ARHGAP10: variants seen among roughly 807,000 people sequenced by gnomAD.
The protein encoded by ARHGAP10 is rho GTPase-activating protein 10.
A neutral mutation model predicts 108.6 loss-of-function variants in ARHGAP10; 87 were observed. The ratio of observed to expected loss-of-function variants is 0.80; its 90% CI spans 0.67 to 0.96. ARHGAP10 has a LOEUF of 0.96. Among genes scored for constraint, ARHGAP10 ranks in the 40% least tolerant of loss-of-function variants. ARHGAP10 has a pLI of 0.00. For missense variants in ARHGAP10, 939 were observed against 954.5 expected (o/e 0.98, Z 0.21); for synonymous variants, 347 against 341.1 (o/e 1.02, Z -0.19).
chr4:147,896,244 CCTT>C (rs1735988786), intron 10 of ARHGAP10, among the ~76,000 whole-genome samples: 3 of 152,086 alleles, frequency 2.0e-5, no homozygotes, highest in South Asian at 2.1e-4. Context: ...GGAAGTTTTC[CCTT>C]CTTCACTGTT....
At chr4:147,814,949 A>G (rs1166762549) in intron 1 of ARHGAP10, among the ~76,000 whole-genome samples, 2 of 152,148 alleles carry the variant, frequency 1.3e-5, no homozygotes, top group African/African-American at 4.8e-5. Flanking sequence ...CAGAGGAACC[A>G]CCACCCTACT....
rs1029340956 is a variant in ARHGAP10 at position 148,023,012 on chromosome 4, G to A, written c.1717-251G>A. The stretch of plus-strand genomic sequence containing the variant: ...AAGATAGTTTTATTTGTTTAGTTTT[G>A]GAATGAATTATTTGATATATAACAA... On this transcript the variant is annotated intron_variant, in intron 18 of 22. Coordinates refer to ENST00000336498, the MANE Select transcript of ARHGAP10 (RefSeq NM_024605.4). The A allele has an allele frequency of 1.7e-5, 6 of 358,198 alleles. No homozygotes were observed. In the South Asian group the frequency reaches 2.7e-4, roughly 16 times the overall value. The allele number at this position is 358,198 out of a possible 1,614,324, so 22.2% of individuals were successfully genotyped here.
chr4:147,791,667 T>C (rs1263565575), intron 1 of ARHGAP10, among the ~76,000 whole-genome samples: 1 of 151,872 alleles, frequency 6.6e-6, no homozygotes, highest in African/African-American at 2.4e-5. Flanking sequence ...TCCCTGTAAC[T>C]TCCGCCTCCT....
chr4:147,964,229 T>G (rs563850573), intron 16 of ARHGAP10, among the ~76,000 whole-genome samples: 27 of 152,312 alleles, frequency 1.8e-4, no homozygotes, highest in Non-Finnish European at 3.8e-4. Flanking sequence ...CCCTTGTCAC[T>G]TCAGTTCCGA....
chr4:147,740,048 T>A (rs1223119231), intron 1 of ARHGAP10, among the ~76,000 whole-genome samples: 8 of 121,340 alleles, frequency 6.6e-5, no homozygotes, highest in Admixed American at 1.7e-4. Context: ...ACTGGGTTAC[T>A]TTTTTTTTTT....
intron 13 of ARHGAP10, among the ~76,000 whole-genome samples, chr4:147,930,162 T>TA (rs1260618891): frequency 1.3e-5 from 2 of 152,206 alleles, no homozygotes; most frequent in African/African-American, 4.8e-5. Context: ...AGCTGAATGT[T>TA]AGTTTACAGA....
At chr4:148,020,802 A>T (rs914801286) in intron 18 of ARHGAP10, among the ~76,000 whole-genome samples, 6 of 152,174 alleles carry the variant, frequency 3.9e-5, no homozygotes, top group African/African-American at 1.4e-4. Flanking sequence ...TCCTTTGGGT[A>T]TATACCCAGT....
At chr4:147,838,542 C>T (rs1346591863) in intron 3 of ARHGAP10, among the ~76,000 whole-genome samples, 6 of 65,814 alleles carry the variant, frequency 9.1e-5, no homozygotes, top group African/African-American at 1.6e-4. Flanking sequence ...ATTTCTCTTC[C>T]TCCTCTTCTT....
chr4:147,924,559 G>A (rs569493437), intron 13 of ARHGAP10, among the ~76,000 whole-genome samples: 29 of 152,190 alleles, frequency 1.9e-4, no homozygotes, highest in Admixed American at 5.9e-4. Flanking sequence ...TGCTGAAGGT[G>A]TTTTTAGAAC....
chr4:147,984,448 G>A (rs895791716), intron 18 of ARHGAP10, among the ~76,000 whole-genome samples: 3 of 152,214 alleles, frequency 2.0e-5, no homozygotes, highest in Non-Finnish European at 4.4e-5. Context: ...CACCTTTAGC[G>A]GCTAATGCCA....
At chr4:147,968,185 A>C (rs1202186286) in intron 18 of ARHGAP10, among the ~76,000 whole-genome samples, 5 of 152,142 alleles carry the variant, frequency 3.3e-5, no homozygotes, top group African/African-American at 1.2e-4. Context: ...AACATAAGGA[A>C]AAAATGGTTT....
chr4:147,976,441 C>T (rs948727670), intron 18 of ARHGAP10, among the ~76,000 whole-genome samples: 1 of 151,950 alleles, frequency 6.6e-6, no homozygotes, highest in Non-Finnish European at 1.5e-5. Flanking sequence ...AATCCCATAG[C>T]AAGAATATTT....
Position 147,857,577 on chromosome 4 carries a change from G to C in ARHGAP10, c.409G>C (p.Glu137Gln), listed in dbSNP as rs1465243050. Reference sequence around the variant, plus strand: ...GGAAGAAAAAAAGAAGTTTGACAAAGAGACAGAAAAGAATTATAGTCTAAT... The same window carrying C: ...GGAAGAAAAAAAGAAGTTTGACAAACAGACAGAAAAGAATTATAGTCTAAT... ...VKEEKKKFDK[E>Q]TEKNYSLIDK... Residue 137 changes from glutamate to glutamine, a missense_variant, in exon 5 of 23, where the codon GAG (glutamate) becomes CAG (glutamine). Coordinates refer to ENST00000336498, the MANE Select transcript of ARHGAP10 (RefSeq NM_024605.4). 6.8e-7 allele frequency: 1 copy of C among 1,478,080 alleles called. No homozygotes were observed. The highest frequency in any genetic ancestry group is 9.0e-7 in the Non-Finnish European group (1 of 1,115,854). The allele number at this position is 1,478,080 out of a possible 1,614,324, so 91.6% of individuals were successfully genotyped here. A position where few individuals can be genotyped will look rare whatever the true frequency, so the allele number is the denominator to read the frequency against.
At chr4:147,813,060 A>G (rs933448920) in intron 1 of ARHGAP10, among the ~76,000 whole-genome samples, 1 of 151,626 alleles carries the variant, frequency 6.6e-6, no homozygotes, top group Non-Finnish European at 1.5e-5. Context: ...ACAGTTCCTT[A>G]TGTTTCAGTG....
chr4:147,766,042 A>G (rs985095920), intron 1 of ARHGAP10, among the ~76,000 whole-genome samples: 1 of 152,116 alleles, frequency 6.6e-6, no homozygotes, highest in African/African-American at 2.4e-5. Flanking sequence ...GCACTTTGGT[A>G]GTCTGAGGCC....
At position 148,034,728 on chromosome 4, in the gene ARHGAP10, C is replaced by T. The variant is rs180813985; in HGVS notation, c.1867+11315C>T. Among the ~76,000 whole-genome samples, 466 of 152,282 alleles carry T rather than the reference C, an allele frequency of 3.1e-3. 2 individuals are homozygous for T. The highest frequency in any genetic ancestry group is 0.011 in the African/African-American group (446 of 41,546). ...AGTCTGGCAATCCTCATTGTCTCAG[C>T]TGTACTGGAGGTTGTACTCTGAGCA... On this transcript the variant is annotated intron_variant, in intron 19 of 22. Transcript: ENST00000336498.
At chr4:147,775,595 C>T (rs1730254399) in intron 1 of ARHGAP10, among the ~76,000 whole-genome samples, 1 of 152,158 alleles carries the variant, frequency 6.6e-6, no homozygotes. Flanking sequence ...GTTTCCTTTT[C>T]ACCCAGAAGG....
chr4:147,774,082 TATTC>T (rs1393248788), intron 1 of ARHGAP10, among the ~76,000 whole-genome samples: 1 of 152,176 alleles, frequency 6.6e-6, no homozygotes, highest in Admixed American at 6.5e-5. Flanking sequence ...ATAATAATAA[TATTC>T]ATAAGATAGT....
intron 1 of ARHGAP10, among the ~76,000 whole-genome samples, chr4:147,761,316 G>A (rs937270934): frequency 6.6e-6 from 1 of 152,102 alleles, no homozygotes; most frequent in Non-Finnish European, 1.5e-5. Flanking sequence ...TGCACCCGGC[G>A]TAATCTCTAT....
Sources: gnomAD v4.1 joint callset for allele counts (sites outside exome capture counted in the v4.1 genomes callset) on GRCh38, gnomAD v4.1.1 for gene constraint, MANE v1.5 for transcripts, NCBI Gene and HGNC (gene_info 2026-07-23, HGNC 2026-07-21) for gene names.